Variants in PCDH7 observed in about 807,000 individuals in gnomAD.
The protein encoded by PCDH7 is protocadherin 7, also known as protocadherin-7.
A neutral mutation model predicts 58.9 loss-of-function variants in PCDH7; 17 were observed. That is an observed-to-expected ratio of 0.29 (90% CI 0.20 to 0.43). The LOEUF (loss-of-function observed/expected upper bound fraction) is 0.43, where lower values mean the gene tolerates loss of function less well. Ranked by LOEUF, PCDH7 falls within the 20% of genes least tolerant of loss-of-function variation. The pLI is 1.00. For missense variants in PCDH7, 1,274 were observed against 1,441.0 expected (o/e 0.88, Z 1.88); for synonymous variants, 664 against 616.4 (o/e 1.08, Z -1.14).
intron 3 of PCDH7, among the ~76,000 whole-genome samples, chr4:30,996,366 C>G (rs1751900243): frequency 6.6e-6 from 1 of 152,164 alleles, no homozygotes; most frequent in Non-Finnish European, 1.5e-5. Context: ...ATAACTGTAA[C>G]AGCAGCTATA....
chr4:30,722,142 C>A lies in PCDH7; in HGVS notation c.720C>A (p.Arg240=), dbSNP rs1306363208. The A allele has an allele frequency of 6.8e-7, 1 of 1,474,612 alleles. No individual in the cohort carries two copies. The highest frequency in any genetic ancestry group is 9.0e-7 in the Non-Finnish European group (1 of 1,115,366). The allele number at this position is 1,474,612 out of a possible 1,614,324, so 91.3% of individuals were successfully genotyped here. A position where few individuals can be genotyped will look rare whatever the true frequency, so the allele number is the denominator to read the frequency against. ...GCGGCGGCACCAACCCCGGCGGCCG[C>A]AGCAGCGTGTTCGAGCTGCAGGTGG... is the stretch of plus-strand genomic sequence containing the variant. Residue 240 remains arginine, a synonymous_variant, in exon 1 of 2, where the codon CGC becomes CGA. Coordinates refer to ENST00000361762, the Ensembl canonical transcript of PCDH7. This position sits in a 1 kb window ranked among gnomAD's most constrained non-coding sequence, Gnocchi z 7.6.
intron 1 of PCDH7, among the ~76,000 whole-genome samples, chr4:30,912,999 A>G: frequency 6.6e-6 from 1 of 151,280 alleles, no homozygotes; most frequent in Non-Finnish European, 1.5e-5. Context: ...GGATAAAAAT[A>G]AAGTTTTTAA....
chr4:31,094,210 A>G (rs573310947), intron 3 of PCDH7, among the ~76,000 whole-genome samples: 115 of 152,290 alleles, frequency 7.6e-4, no homozygotes, highest in African/African-American at 2.6e-3. Flanking sequence ...TCTCTCAGTA[A>G]ATGAAGTTGT....
chr4:31,105,064 G>A (rs373103395), intron 3 of PCDH7, among the ~76,000 whole-genome samples: 3 of 152,162 alleles, frequency 2.0e-5, no homozygotes, highest in Non-Finnish European at 4.4e-5. Context: ...AAAGGATGGC[G>A]CCTACCTTCA....
chr4:31,064,603 C>T lies in PCDH7; in HGVS notation c.*8-77870C>T, dbSNP rs1037221703. 2.6e-5 allele frequency among the ~76,000 whole-genome samples: 4 copies of T among 151,886 alleles called. No homozygotes were observed. The South Asian group carries it at 8.3e-4, about 31-fold the overall frequency. On this transcript the variant is annotated intron_variant, in intron 3 of 3. Transcript: ENST00000509759. ...CCCAGCTTCTGTGGGTGGCAGCAAC[C>T]CTTGGTCTTCCTGGCTTGAAGCTAT...
chr4:30,794,429 G>A (rs964077837), intron 1 of PCDH7, among the ~76,000 whole-genome samples: 1 of 152,102 alleles, frequency 6.6e-6, no homozygotes, highest in Non-Finnish European at 1.5e-5. Context: ...GTCTGCAGAG[G>A]ACTCTTATTT....
intron 3 of PCDH7, among the ~76,000 whole-genome samples, chr4:31,026,755 GA>G (rs141371118): frequency 0.067 from 10,244 of 152,086 alleles, 465 homozygotes; most frequent in Non-Finnish European, 0.098. Context: ...CCTTTGGGGG[GA>G]AAAAACCTGC....
At chr4:30,834,402 G>A (rs1328284244) in intron 1 of PCDH7, among the ~76,000 whole-genome samples, 2 of 152,138 alleles carry the variant, frequency 1.3e-5, no homozygotes, top group African/African-American at 4.8e-5. Context: ...TTGTAGAAGA[G>A]GAAATTGAGG....
chr4:31,033,040 G>A (rs1273691848), intron 3 of PCDH7, among the ~76,000 whole-genome samples: 3 of 152,072 alleles, frequency 2.0e-5, no homozygotes, highest in South Asian at 2.1e-4. Flanking sequence ...GAATCATAGT[G>A]TGTTGGTAAG....
At chr4:30,954,706 G>C (rs1747677538) in intron 3 of PCDH7, among the ~76,000 whole-genome samples, 1 of 152,094 alleles carries the variant, frequency 6.6e-6, no homozygotes, top group Admixed American at 6.6e-5. Context: ...AACCTCTCAA[G>C]ACCTCATCAA....
intron 1 of PCDH7, among the ~76,000 whole-genome samples, chr4:30,826,541 T>C (rs904782751): frequency 1.3e-5 from 2 of 152,006 alleles, no homozygotes; most frequent in Non-Finnish European, 2.9e-5. Context: ...ATGCCATCAC[T>C]GTGGAAATAA....
intron 3 of PCDH7, among the ~76,000 whole-genome samples, chr4:31,108,369 TAAAAAAAAAAAAAAAAAAA>T (rs71190491): frequency 0.024 from 1,426 of 60,114 alleles, 24 homozygotes; most frequent in Admixed American, 0.045. Context: ...CAGCATACAG[TAAAAAAAAAAAAAAAAAAA>T]AAAAAAAAAA....
At chr4:31,129,295 A>C (rs1375631989) in intron 3 of PCDH7, among the ~76,000 whole-genome samples, 1 of 152,232 alleles carries the variant, frequency 6.6e-6, no homozygotes, top group African/African-American at 2.4e-5. Flanking sequence ...TCAAAATTCC[A>C]CAGGCTATCC....
chr4:31,065,429 C>T (rs1015109625), intron 3 of PCDH7, among the ~76,000 whole-genome samples: 2 of 151,882 alleles, frequency 1.3e-5, no homozygotes, highest in Non-Finnish European at 2.9e-5. Flanking sequence ...GTCAGGGATG[C>T]AATTTTCAAC....
intron 3 of PCDH7, among the ~76,000 whole-genome samples, chr4:31,061,368 G>GTGTT (rs1248649132): frequency 6.6e-6 from 1 of 151,504 alleles, no homozygotes; most frequent in Non-Finnish European, 1.5e-5. Flanking sequence ...AATGCATAGG[G>GTGTT]TGTTTAGATA....
chr4:30,781,355 T>A (rs1263623201), intron 1 of PCDH7, among the ~76,000 whole-genome samples: 1 of 151,900 alleles, frequency 6.6e-6, no homozygotes, highest in Non-Finnish European at 1.5e-5. Context: ...TTAGCCAGGA[T>A]GTTCTCGATC....
chr4:31,100,651 A>G (rs1388205278), intron 3 of PCDH7, among the ~76,000 whole-genome samples: 1 of 152,138 alleles, frequency 6.6e-6, no homozygotes, highest in Non-Finnish European at 1.5e-5. Flanking sequence ...AAGTAATCCA[A>G]ATTTATGGAT....
intron 1 of PCDH7, among the ~76,000 whole-genome samples, chr4:30,902,635 T>C (rs571257045): frequency 8.6e-4 from 130 of 151,960 alleles, no homozygotes; most frequent in African/African-American, 3.1e-3. Context: ...AATTAAGATA[T>C]TAGTGAAGTA....
chr4:30,791,612 T>A (rs1724131027), intron 1 of PCDH7, among the ~76,000 whole-genome samples: 2 of 152,162 alleles, frequency 1.3e-5, no homozygotes, highest in Admixed American at 1.3e-4. Flanking sequence ...CCTTCAATAT[T>A]CTCTATATGC....
Sources: allele counts gnomAD v4.1 joint callset (sites outside exome capture counted in the v4.1 genomes callset), GRCh38; gene constraint gnomAD v4.1.1; non-coding constraint Gnocchi (gnomAD v3.1); transcripts MANE v1.5; gene names NCBI Gene and HGNC (gene_info 2026-07-23, HGNC 2026-07-21).